The following SNED1 variants were observed in gnomAD, a reference collection of about 807,000 sequenced individuals.
SNED1 encodes the protein sushi, nidogen and EGF-like domain-containing protein 1.
In SNED1, 81 loss-of-function variants were observed where a neutral mutation model predicts 166.7. The observed-to-expected ratio is 0.49, with a 90% CI of 0.41 to 0.58. SNED1 has a LOEUF of 0.58. Among genes scored for constraint, SNED1 ranks in the 20% least tolerant of loss-of-function variants. The pLI, the probability that SNED1 is intolerant of heterozygous loss-of-function variation, is 0.00. For missense variants in SNED1, 1,604 were observed against 2,000.2 expected, an observed-to-expected ratio of 0.80 and a Z score of 3.78; for synonymous variants, 762 against 822.0, an observed-to-expected ratio of 0.93 and a Z score of 1.25.
intron 1 of SNED1, among the ~76,000 whole-genome samples, chr2:241,004,702 C>A (rs1168631355): frequency 2.0e-5 from 3 of 151,882 alleles, no homozygotes; most frequent in African/African-American, 7.3e-5. Flanking sequence ...TGTTATAAAC[C>A]CAATAATGCA....
rs1162128749 is a variant in SNED1, at chr2:241,018,484, C to T, written c.214-11800C>T. ...TTCGTTGTTCACTCAGCCCCCTGCA[C>T]GTCCCGGGGTCTAAGGTGGTCCCTG... On this transcript the variant is annotated intron_variant, in intron 1 of 31. Transcript: ENST00000310397. This position sits in a 1 kb window ranked among gnomAD's most constrained non-coding sequence, Gnocchi z 5.4. 1.3e-5 allele frequency among the ~76,000 whole-genome samples: 2 copies of T among 152,176 alleles called. No individual in the cohort carries two copies. The highest frequency in any genetic ancestry group is 1.5e-5 in the Non-Finnish European group (1 of 68,028).
intron 2 of SNED1, among the ~76,000 whole-genome samples, chr2:241,032,886 T>C (rs2124999130): frequency 6.6e-6 from 1 of 152,348 alleles, no homozygotes; most frequent in South Asian, 2.1e-4. Flanking sequence ...GTTCTTGAAT[T>C]AAGGGTCTCG....
intron 8 of SNED1, among the ~76,000 whole-genome samples, chr2:241,047,554 C>A (rs368085038): frequency 2.2e-4 from 33 of 152,276 alleles, no homozygotes; most frequent in African/African-American, 7.0e-4. Flanking sequence ...ATATTGTGAG[C>A]CATAAGTAAG....
At position 241,081,659 on chromosome 2, in the gene SNED1, C is replaced by G; in HGVS notation, c.3917-18C>G. 6.4e-7 allele frequency: 1 copy of G among 1,559,764 alleles called. No homozygotes were observed. The highest frequency in any genetic ancestry group is 2.3e-5 in the East Asian group (1 of 42,668). On this transcript the variant is annotated intron_variant, in intron 27 of 31. Transcript: ENST00000310397. ...CCTGGGGTTCCAGTGACTAACCTCT[C>G]GTGACCTCTGTTTCCAGACGTCCCT...
chr2:241,048,342 T>A lies in SNED1; in HGVS notation c.1301T>A (p.Leu434His). The change falls in exon 9 of 32, where the codon CTC (leucine) becomes CAC (histidine). Residue 434 changes from leucine (L) to histidine (H), a missense_variant. Physicochemically the swap from Leu to His is moderately conservative, Grantham distance 99. Transcript: ENST00000310397. ...TGDHPVPDACLSAPCHNGGTC... is the reference protein window; with the variant it reads ...TGDHPVPDACHSAPCHNGGTC... ...GACCATCCAGTGCCAGACGCCTGCC[T>A]CTCGGCCCCTTGCCACAATGGGGGC... is the stretch of plus-strand genomic sequence containing the variant. 1 of 1,610,482 alleles carries A rather than the reference T, an allele frequency of 6.2e-7. No homozygotes were observed. Among genetic ancestry groups the A allele is most frequent in the Non-Finnish European group, 8.5e-7 (1 of 1,178,620 alleles).
intron 21 of SNED1, among the ~76,000 whole-genome samples, 157 bp downstream of exon 21, chr2:241,065,752 G>A (rs1004693977): frequency 2.0e-5 from 3 of 152,238 alleles, no homozygotes; most frequent in Non-Finnish European, 4.4e-5. Flanking sequence ...GCACCGCCCT[G>A]CTGGAGACAG....
chr2:241,067,702 C>A, intron 21 of SNED1, 62 bp from the exon 22 acceptor site: 1 of 1,437,678 alleles, frequency 7.0e-7, no homozygotes, highest in Non-Finnish European at 9.6e-7. Context: ...TCATCTTGAG[C>A]CCCTGCACTC....
At chr2:241,054,874 T>C (rs1445239013) in intron 16 of SNED1, among the ~76,000 whole-genome samples, 3 of 152,146 alleles carry the variant, frequency 2.0e-5, no homozygotes, top group Non-Finnish European at 4.4e-5. Context: ...CCCAGCACTT[T>C]GGGAGGCCGA....
chr2:241,032,970 AT>A (rs1335019080), intron 2 of SNED1, among the ~76,000 whole-genome samples: 2 of 152,116 alleles, frequency 1.3e-5, no homozygotes, highest in Non-Finnish European at 2.9e-5. Context: ...GATCTTATGG[AT>A]TTTTTTAAGT....
At chr2:241,086,551 G>C (rs889221675) in intron 29 of SNED1, among the ~76,000 whole-genome samples, 1 of 152,150 alleles carries the variant, frequency 6.6e-6, no homozygotes, top group Non-Finnish European at 1.5e-5. Context: ...TTACAGTCTC[G>C]TGTTGTCTGT....
chr2:241,052,728 A>G (rs1257811581), intron 15 of SNED1, among the ~76,000 whole-genome samples: 1 of 39,656 alleles, frequency 2.5e-5, no homozygotes, highest in East Asian at 5.7e-4. Context: ...ATGGGATACC[A>G]GTGCCAGGCA....
chr2:241,033,855 C>G lies in SNED1; in HGVS notation c.622C>G (p.Leu208Val). The change falls in exon 3 of 32, where the codon CTC (leucine) becomes GTC (valine). Residue 208 changes from leucine to valine, a missense_variant. Around this residue, in one of 2 missense-constraint regions of SNED1, gnomAD observed 1,237 missense variants for 1,620.8 expected, o/e 0.76. Coordinates refer to ENST00000310397, the MANE Select transcript of SNED1 (RefSeq NM_001080437.3). ...HASSGGNATG[L>V]GGIAAQAGFN... Reference sequence around the variant, plus strand: ...CAGCAGCGGGGGCAACGCCACTGGCCTCGGGGGCATCGCAGCCCAGGTAGG... The same window carrying G: ...CAGCAGCGGGGGCAACGCCACTGGCGTCGGGGGCATCGCAGCCCAGGTAGG... 1 of 1,605,952 alleles carries G rather than the reference C, an allele frequency of 6.2e-7. No individual in the cohort carries two copies. Among genetic ancestry groups the G allele is most frequent in the Non-Finnish European group, 8.5e-7 (1 of 1,177,054 alleles).
At chr2:241,032,086 AC>A (rs2061190457) in intron 2 of SNED1, among the ~76,000 whole-genome samples, 1 of 152,118 alleles carries the variant, frequency 6.6e-6, no homozygotes, top group Admixed American at 6.5e-5. Flanking sequence ...GCGATGGCTC[AC>A]CCCTGTAATT....
intron 18 of SNED1, 81 bp downstream of exon 18, chr2:241,063,781 T>C: frequency 2.8e-6 from 3 of 1,086,350 alleles, no homozygotes; most frequent in African/African-American, 1.6e-5. Context: ...ATCCCCACAT[T>C]CCCTGCTGGG....
rs1033377341 is a variant in SNED1, at chr2:241,068,481, C to A, written c.3195-430C>A. ...AGGGGTGCAGGAAAAGATCGGAGAG[C>A]GAGTGGGAAGGAAGACTCCAGCCAG... is the stretch of plus-strand genomic sequence containing the variant. On this transcript the variant is annotated intron_variant, in intron 22 of 31. Transcript: ENST00000310397. The surrounding 1 kb of genome is among the most constrained non-coding windows in gnomAD (Gnocchi z 5.3). Among the ~76,000 whole-genome samples, 1 of 151,986 alleles carries A rather than the reference C, an allele frequency of 6.6e-6. No individual in the cohort carries two copies. Among genetic ancestry groups the A allele is most frequent in the Non-Finnish European group, 1.5e-5 (1 of 67,984 alleles).
chr2:241,094,128 C>G lies in SNED1; in HGVS notation c.*2492C>G. Reference sequence around the variant, plus strand: ...AATGTCTCATTTCCAAACAGTTTTGCCTATGGCCAAGCAAGGCAATAAAGA... The same window carrying G: ...AATGTCTCATTTCCAAACAGTTTTGGCTATGGCCAAGCAAGGCAATAAAGA... On this transcript the variant is annotated 3_prime_UTR_variant, in exon 32 of 32. Coordinates refer to ENST00000310397, the MANE Select transcript of SNED1 (RefSeq NM_001080437.3). The surrounding 1 kb of genome is among the most constrained non-coding windows in gnomAD (Gnocchi z 4.3). The G allele has an allele frequency of 5.6e-6, 2 of 360,280 alleles. No homozygotes were observed. Among genetic ancestry groups the G allele is most frequent in the South Asian group, 4.3e-5 (2 of 46,974 alleles). 22.3% of individuals were successfully genotyped at this position (360,280 alleles called of 1,614,324 possible). A position where few individuals can be genotyped will look rare whatever the true frequency, so the allele number is the denominator to read the frequency against.
chr2:241,054,818 A>G (rs1277673755), intron 16 of SNED1, among the ~76,000 whole-genome samples: 2 of 151,804 alleles, frequency 1.3e-5, no homozygotes, highest in African/African-American at 4.9e-5. Flanking sequence ...ATAAATAAAT[A>G]AAAAAGAAAA....
At chr2:241,035,045 G>C (rs1389151901) in intron 4 of SNED1, among the ~76,000 whole-genome samples, 1 of 152,208 alleles carries the variant, frequency 6.6e-6, no homozygotes, top group Admixed American at 6.5e-5. Flanking sequence ...TGCGGGTTTC[G>C]GGGGTAAAGA....
chr2:241,008,926 T>C (rs1025211006), intron 1 of SNED1, among the ~76,000 whole-genome samples: 5 of 152,248 alleles, frequency 3.3e-5, no homozygotes, highest in Admixed American at 6.5e-5. Flanking sequence ...GCACGGCCTC[T>C]TGGGCCCTCA....
Sources: allele counts gnomAD v4.1 joint callset (sites outside exome capture counted in the v4.1 genomes callset), GRCh38; gene constraint gnomAD v4.1.1; regional missense constraint gnomAD v4.1.1; non-coding constraint Gnocchi (gnomAD v3.1); transcripts MANE v1.5; gene names NCBI Gene and HGNC (gene_info 2026-07-23, HGNC 2026-07-21).